ZNF678: variants seen among roughly 807,000 people sequenced by gnomAD.
ZNF678 encodes the protein zinc finger protein 678, also known as hypothetical protein MGC42493.
A neutral mutation model predicts 3.0 loss-of-function variants in ZNF678; 5 were observed. That is an observed-to-expected ratio of 1.69 (90% CI 0.88 to 3.56). The LOEUF (loss-of-function observed/expected upper bound fraction) is 3.56. Ranked by LOEUF, ZNF678 falls within the 30% of genes most tolerant of loss-of-function variation. ZNF678 has a pLI of 0.00. For synonymous variants in ZNF678, 218 were observed against 199.6 expected (o/e 1.09, Z -0.78); for missense variants, 593 against 605.0 (o/e 0.98, Z 0.21).
intron 5 of ZNF678, among the ~76,000 whole-genome samples, chr1:227,669,476 A>AAT (rs143744045): frequency 0.22 from 33,401 of 151,148 alleles, 4,140 homozygotes; most frequent in African/African-American, 0.34. Context: ...CTCTACTAAA[A>AAT]ATATATATAT....
At chr1:227,624,317 A>G (rs1422904051) in intron 1 of ZNF678, among the ~76,000 whole-genome samples, 1 of 152,220 alleles carries the variant, frequency 6.6e-6, no homozygotes, top group Non-Finnish European at 1.5e-5. Flanking sequence ...CCCTCCACAA[A>G]GACCCCAATT....
chr1:227,565,046 C>G (rs929422733), intron 1 of ZNF678, among the ~76,000 whole-genome samples: 3 of 139,910 alleles, frequency 2.1e-5, no homozygotes, highest in Non-Finnish European at 4.6e-5. Flanking sequence ...TGTTTTTTCC[C>G]TACCCGGCTT....
rs527938683 is a variant in ZNF678, at chr1:227,616,498, G to A, written c.-163-30046G>A. Among the ~76,000 whole-genome samples, 21 of 152,294 alleles carry A rather than the reference G, an allele frequency of 1.4e-4. 1 individual carries two copies. The highest frequency in any genetic ancestry group is 4.8e-4 in the African/African-American group (20 of 41,564). On this transcript the variant is annotated intron_variant, in intron 1 of 3. Coordinates refer to ENST00000343776, the MANE Select transcript of ZNF678 (RefSeq NM_001367909.1). ...GTGTCAGAGAGTAGGAAATAAATCT[G>A]ACTGAACTTTTGAGGCCTTCTACCT...
At position 227,657,940 on chromosome 1, in the gene ZNF678, C is replaced by CT. The variant is rs1659292924; in HGVS notation, c.*2113dup. On this transcript the variant is annotated 3_prime_UTR_variant, in exon 4 of 4. Coordinates refer to ENST00000343776, the MANE Select transcript of ZNF678 (RefSeq NM_001367909.1). ...CATGCAAATCCTGTTTTTTTCTTGTCTGTTGATCATACTAAACCTAATGTA... is the reference window on the plus strand; with the variant it reads ...CATGCAAATCCTGTTTTTTTCTTGTCTTGTTGATCATACTAAACCTAATGTA... 1 of 151,756 alleles carries CT rather than the reference C, an allele frequency of 6.6e-6. No homozygotes were observed. The highest frequency in any genetic ancestry group is 1.5e-5 in the Non-Finnish European group (1 of 67,852). The allele number at this position is 151,756 out of a possible 1,614,324, so 9.4% of individuals were successfully genotyped here. A position where few individuals can be genotyped will look rare whatever the true frequency, so the allele number is the denominator to read the frequency against.
chr1:227,620,310 T>C (rs1207125106), intron 1 of ZNF678, among the ~76,000 whole-genome samples: 3 of 152,182 alleles, frequency 2.0e-5, no homozygotes, highest in African/African-American at 7.2e-5. Flanking sequence ...TTTTTCCTTT[T>C]TTGAGTTTTC....
rs1659392005 is a variant in ZNF678 at position 227,661,077 on chromosome 1, A to T, written c.*5249A>T. On this transcript the variant is annotated 3_prime_UTR_variant, in exon 4 of 4. Coordinates refer to ENST00000343776, the MANE Select transcript of ZNF678 (RefSeq NM_001367909.1). ...TCGTGACATATAATGTCTACTGCTT[A>T]TAATGTCTACTGTGAGTTTCTGACT... 1 of 152,324 alleles carries T rather than the reference A, an allele frequency of 6.6e-6. No individual in the cohort carries two copies. Among genetic ancestry groups the T allele is most frequent in the Non-Finnish European group, 1.5e-5 (1 of 68,028 alleles). The allele number at this position is 152,324 out of a possible 1,614,324, so 9.4% of individuals were successfully genotyped here.
intron 1 of ZNF678, among the ~76,000 whole-genome samples, chr1:227,580,814 C>T (rs1657111015): frequency 6.6e-6 from 1 of 151,896 alleles, no homozygotes; most frequent in South Asian, 2.1e-4. Flanking sequence ...TCTGTAATCC[C>T]AGCTACTTGG....
intron 5 of ZNF678, among the ~76,000 whole-genome samples, chr1:227,675,320 A>C (rs1659662551): frequency 6.6e-6 from 1 of 152,148 alleles, no homozygotes; most frequent in Non-Finnish European, 1.5e-5. Flanking sequence ...CTATGCTAGC[A>C]CCTTGATTTT....
chr1:227,572,868 A>G (rs1656889126), intron 1 of ZNF678, among the ~76,000 whole-genome samples: 1 of 152,192 alleles, frequency 6.6e-6, no homozygotes, highest in African/African-American at 2.4e-5. Context: ...AGTGTCTGGC[A>G]GGTGGGAAAC....
intron 1 of ZNF678, among the ~76,000 whole-genome samples, chr1:227,645,041 G>A (rs1354429980): frequency 6.6e-6 from 1 of 152,184 alleles, no homozygotes; most frequent in East Asian, 1.9e-4. Flanking sequence ...AGCCAAAATT[G>A]CTGGCTTCCA....
At chr1:227,629,250 A>G (rs1300777297) in intron 1 of ZNF678, among the ~76,000 whole-genome samples, 1 of 152,154 alleles carries the variant, frequency 6.6e-6, no homozygotes, top group Non-Finnish European at 1.5e-5. Context: ...CTTGAAGGGA[A>G]TGGGCATTCT....
intron 1 of ZNF678, among the ~76,000 whole-genome samples, chr1:227,636,321 G>A (rs1052713668): frequency 6.6e-6 from 1 of 152,150 alleles, no homozygotes; most frequent in Non-Finnish European, 1.5e-5. Context: ...TATCATCTAT[G>A]TTAAGACAGC....
intron 1 of ZNF678, among the ~76,000 whole-genome samples, chr1:227,612,140 A>G (rs1658036070): frequency 6.6e-6 from 1 of 152,214 alleles, no homozygotes; most frequent in African/African-American, 2.4e-5. Flanking sequence ...GAGGTGCCCA[A>G]GTCACATCTG....
chr1:227,576,655 C>T (rs1042280850), intron 1 of ZNF678, among the ~76,000 whole-genome samples: 6 of 152,026 alleles, frequency 3.9e-5, no homozygotes, highest in Admixed American at 3.9e-4. Context: ...TAGGCTAGCT[C>T]ATGGTCTATT....
At chr1:227,634,559 A>G (rs760893907) in intron 1 of ZNF678, among the ~76,000 whole-genome samples, 3 of 152,148 alleles carry the variant, frequency 2.0e-5, no homozygotes, top group Admixed American at 6.5e-5. Flanking sequence ...TCTGAAGGGA[A>G]CAGTGGTGGT....
At position 227,563,624 on chromosome 1, in the gene ZNF678, C is replaced by CA. The variant is rs1656587709; in HGVS notation, c.-264_-263insA. The stretch of plus-strand genomic sequence containing the variant: ...GCTATTTATCCCCAGCTGCGGGAGG[C>CA]CCTGGTGACTCTGCTGCTGCAGTGT... On this transcript the variant is annotated 5_prime_UTR_variant, in exon 1 of 4. Transcript: ENST00000343776. 13 of 1,227,456 alleles carry CA rather than the reference C, an allele frequency of 1.1e-5. No homozygotes were observed. Among genetic ancestry groups the CA allele is most frequent in the Middle Eastern group, 2.2e-4 (1 of 4,550 alleles). 76.0% of individuals were successfully genotyped at this position (1,227,456 alleles called of 1,614,324 possible).
chr1:227,671,132 G>A (rs1019627064), intron 5 of ZNF678, among the ~76,000 whole-genome samples: 2 of 147,840 alleles, frequency 1.4e-5, no homozygotes, highest in African/African-American at 2.5e-5. Flanking sequence ...ACTGGAGTGC[G>A]GTGGTGCCAT....
chr1:227,588,841 T>G, intron 1 of ZNF678, among the ~76,000 whole-genome samples: 1 of 152,060 alleles, frequency 6.6e-6, no homozygotes, highest in East Asian at 1.9e-4. Context: ...TTGATTGGCA[T>G]GAGATGGTAT....
chr1:227,608,017 G>A (rs1299504014), intron 1 of ZNF678, among the ~76,000 whole-genome samples: 5 of 151,528 alleles, frequency 3.3e-5, no homozygotes, highest in Non-Finnish European at 5.9e-5. Flanking sequence ...AACAATTATT[G>A]TGGTAACCAG....
Sources: allele counts gnomAD v4.1 joint callset (sites outside exome capture counted in the v4.1 genomes callset), GRCh38; gene constraint gnomAD v4.1.1; transcripts MANE v1.5; gene names NCBI Gene and HGNC (gene_info 2026-07-23, HGNC 2026-07-21).